The following ATG10 variants were observed in gnomAD, a reference collection of about 807,000 sequenced individuals.
The protein encoded by ATG10 is ubiquitin-like-conjugating enzyme ATG10.
A neutral mutation model predicts 32.1 loss-of-function variants in ATG10; 30 were observed. The ratio of observed to expected loss-of-function variants is 0.94; its 90% CI spans 0.70 to 1.27. The LOEUF is 1.27. Ranked by LOEUF, ATG10 falls within the 50% of genes most tolerant of loss-of-function variation. The probability of loss-of-function intolerance (pLI) is 0.00; values close to 1 mark genes in which losing one functional copy is unlikely to be tolerated. For missense variants in ATG10, 233 were observed against 262.3 expected, an observed-to-expected ratio of 0.89 and a Z score of 0.77; for synonymous variants, 87 against 91.5, an observed-to-expected ratio of 0.95 and a Z score of 0.28.
intron 2 of ATG10, among the ~76,000 whole-genome samples, chr5:82,055,018 G>A (rs1211621909): frequency 6.6e-6 from 1 of 152,124 alleles, no homozygotes; most frequent in Non-Finnish European, 1.5e-5. Context: ...CCTGGGCTGG[G>A]TGGACTGCAG....
At chr5:82,136,698 T>C (rs982742787) in intron 3 of ATG10, among the ~76,000 whole-genome samples, 7 of 152,158 alleles carry the variant, frequency 4.6e-5, no homozygotes, top group African/African-American at 1.4e-4. Flanking sequence ...GTTGGGGTTG[T>C]TCTTCTCAAG....
chr5:82,204,890 G>A (rs933449041), intron 5 of ATG10, among the ~76,000 whole-genome samples: 15 of 152,100 alleles, frequency 9.9e-5, no homozygotes, highest in African/African-American at 3.1e-4. Context: ...AGAATTGGAC[G>A]TTATCAGCAA....
chr5:82,004,097 C>T (rs563394653), intron 2 of ATG10, among the ~76,000 whole-genome samples: 2 of 149,024 alleles, frequency 1.3e-5, no homozygotes, highest in Admixed American at 1.3e-4. Flanking sequence ...TGTGCTACTG[C>T]ATTCCAGCCT....
At chr5:82,132,946 AT>A (rs551479796) in intron 3 of ATG10, among the ~76,000 whole-genome samples, 153 of 152,288 alleles carry the variant, frequency 1.0e-3, no homozygotes, top group Non-Finnish European at 1.7e-3. Flanking sequence ...CTGGCAAGAG[AT>A]AGTATCTCAT....
At chr5:82,037,613 G>T (rs1233028708) in intron 2 of ATG10, among the ~76,000 whole-genome samples, 1 of 151,932 alleles carries the variant, frequency 6.6e-6, no homozygotes, top group African/African-American at 2.4e-5. Flanking sequence ...ATTTTTCTTT[G>T]CTTTAATGGA....
intron 1 of ATG10, among the ~76,000 whole-genome samples, chr5:81,982,873 G>A (rs1318867135): frequency 6.6e-6 from 1 of 152,228 alleles, no homozygotes; most frequent in Non-Finnish European, 1.5e-5. Flanking sequence ...AGAGCACAGG[G>A]TTGGGGGTAG....
chr5:82,139,826 T>C (rs1766990923), intron 3 of ATG10, among the ~76,000 whole-genome samples: 1 of 130,068 alleles, frequency 7.7e-6, no homozygotes, highest in Admixed American at 7.5e-5. Flanking sequence ...AGCCACCCCA[T>C]CCGGGAGGGA....
Position 82,079,094 on chromosome 5 carries a change from G to A in ATG10, c.216+20492G>A, listed in dbSNP as rs149284965. Among the ~76,000 whole-genome samples the A allele has an allele frequency of 3.8e-3, 571 of 152,226 alleles. 2 individuals are homozygous for A. The highest frequency in any genetic ancestry group is 0.013 in the African/African-American group (539 of 41,524). On this transcript the variant is annotated intron_variant, in intron 3 of 7. Coordinates refer to ENST00000282185, the MANE Select transcript of ATG10 (RefSeq NM_031482.5). ...TCCATGTGTTTCTAACCTCATTCTTGTAGTTTCATTCAGATTCTTCATCTG... is the reference window on the plus strand; with the variant it reads ...TCCATGTGTTTCTAACCTCATTCTTATAGTTTCATTCAGATTCTTCATCTG...
intron 3 of ATG10, among the ~76,000 whole-genome samples, chr5:82,163,027 A>C (rs565854118): frequency 6.6e-6 from 1 of 152,306 alleles, no homozygotes; most frequent in Admixed American, 6.5e-5. Context: ...TTTTACCACC[A>C]AGATAGAATT....
At chr5:82,074,585 G>A (rs1299939403) in intron 3 of ATG10, among the ~76,000 whole-genome samples, 2 of 152,024 alleles carry the variant, frequency 1.3e-5, no homozygotes, top group East Asian at 3.9e-4. Flanking sequence ...GGGCTTTGTT[G>A]GTTATGTGGA....
intron 2 of ATG10, among the ~76,000 whole-genome samples, chr5:81,990,507 TTCTG>T (rs1156269414): frequency 2.0e-5 from 3 of 152,144 alleles, no homozygotes; most frequent in South Asian, 2.1e-4. Context: ...AGTAGGGAAA[TTCTG>T]TCTGTCAGAA....
Position 82,109,797 on chromosome 5 carries a change from A to T in ATG10, c.216+51195A>T, listed in dbSNP as rs547087989. Among the ~76,000 whole-genome samples, 9 of 149,962 alleles carry T rather than the reference A, an allele frequency of 6.0e-5. No homozygotes were observed. In the East Asian group the frequency reaches 1.4e-3, roughly 23 times the overall value. Reference sequence around the variant, plus strand: ...TACTATGCCTGTTATTTTATTTTTTAATATATATATATATTTTTATTATAC... The same window carrying T: ...TACTATGCCTGTTATTTTATTTTTTTATATATATATATATTTTTATTATAC... On this transcript the variant is annotated intron_variant, in intron 3 of 7. Transcript: ENST00000282185.
intron 3 of ATG10, among the ~76,000 whole-genome samples, chr5:82,100,311 G>A (rs1765225675): frequency 6.6e-6 from 1 of 151,940 alleles, no homozygotes; most frequent in East Asian, 1.9e-4. Context: ...CTGGCCCAGT[G>A]ATTTCTTTTT....
chr5:82,138,269 G>A (rs944266874), intron 3 of ATG10, among the ~76,000 whole-genome samples: 1 of 151,970 alleles, frequency 6.6e-6, no homozygotes, highest in African/African-American at 2.4e-5. Flanking sequence ...GAGCCACTGG[G>A]GTATGAAAAA....
chr5:82,236,994 C>T (rs1746579980), intron 5 of ATG10, among the ~76,000 whole-genome samples: 1 of 152,058 alleles, frequency 6.6e-6, no homozygotes, highest in Non-Finnish European at 1.5e-5. Flanking sequence ...TTCTTCTTTC[C>T]CCCCTTTTTT....
At chr5:82,054,853 A>C (rs1194519504) in intron 2 of ATG10, among the ~76,000 whole-genome samples, 1 of 152,214 alleles carries the variant, frequency 6.6e-6, no homozygotes, top group Non-Finnish European at 1.5e-5. Context: ...GAGAAATAAA[A>C]CTAACAAATG....
At chr5:82,037,554 C>T (rs546399680) in intron 2 of ATG10, among the ~76,000 whole-genome samples, 1 of 152,232 alleles carries the variant, frequency 6.6e-6, no homozygotes, top group African/African-American at 2.4e-5. Flanking sequence ...GCCCCATTTA[C>T]TTTTTATGTC....
At chr5:82,065,925 A>C (rs979769444) in intron 3 of ATG10, among the ~76,000 whole-genome samples, 2 of 152,132 alleles carry the variant, frequency 1.3e-5, no homozygotes, top group African/African-American at 4.8e-5. Context: ...TTCTAAATTA[A>C]CTTACTGGCT....
At chr5:82,104,637 A>G (rs540399802) in intron 3 of ATG10, among the ~76,000 whole-genome samples, 1 of 152,242 alleles carries the variant, frequency 6.6e-6, no homozygotes, top group African/African-American at 2.4e-5. Context: ...AGGCAAGAGA[A>G]AGAGCAGAGA....
Sources: allele counts gnomAD v4.1 joint callset (sites outside exome capture counted in the v4.1 genomes callset), GRCh38; gene constraint gnomAD v4.1.1; transcripts MANE v1.5; gene names NCBI Gene and HGNC (gene_info 2026-07-23, HGNC 2026-07-21).